CCDC171: variants seen among roughly 807,000 people sequenced by gnomAD.
CCDC171 encodes the protein coiled-coil domain containing 171.
CCDC171 carries 177 observed loss-of-function variants against 168.2 expected under a neutral mutation model. That is an observed-to-expected ratio of 1.05 (90% CI 0.93 to 1.19). CCDC171 has a LOEUF of 1.19. Among genes scored for constraint, CCDC171 ranks in the 50% most tolerant of loss-of-function variants. CCDC171 has a pLI of 0.00. For synonymous variants in CCDC171, 687 were observed against 540.8 expected, an observed-to-expected ratio of 1.27 and a Z score of -3.75; for missense variants, 1,991 against 1,539.0, an observed-to-expected ratio of 1.29 and a Z score of -4.91.
At chr9:15,638,631 AT>A (rs905524107) in intron 7 of CCDC171, among the ~76,000 whole-genome samples, 12 of 151,950 alleles carry the variant, frequency 7.9e-5, no homozygotes, top group Non-Finnish European at 1.6e-4. Context: ...TTGAAAGGTG[AT>A]TTTTTTATGT....
chr9:15,754,879 C>T (rs1028770421), intron 18 of CCDC171, among the ~76,000 whole-genome samples: 1 of 151,908 alleles, frequency 6.6e-6, no homozygotes, highest in African/African-American at 2.4e-5. Context: ...ATTGCATTAA[C>T]AGAATAATAA....
intron 23 of CCDC171, among the ~76,000 whole-genome samples, chr9:15,866,944 A>T (rs1242678781): frequency 6.6e-6 from 1 of 152,042 alleles, no homozygotes; most frequent in Non-Finnish European, 1.5e-5. Flanking sequence ...ATATAACATA[A>T]GCCATCTCTA....
chr9:15,555,208 T>G (rs1409935813), intron 1 of CCDC171, among the ~76,000 whole-genome samples: 2 of 152,190 alleles, frequency 1.3e-5, no homozygotes, highest in African/African-American at 4.8e-5. Context: ...CATTGATGAA[T>G]GATACACATA....
chr9:15,932,380 G>A (rs1257102364), intron 25 of CCDC171, among the ~76,000 whole-genome samples: 2 of 151,608 alleles, frequency 1.3e-5, no homozygotes, highest in Non-Finnish European at 2.9e-5. Context: ...TATTGTAAAC[G>A]GAATTGTTTT....
intron 7 of CCDC171, among the ~76,000 whole-genome samples, chr9:15,651,664 G>T (rs1435810956): frequency 6.6e-6 from 1 of 151,986 alleles, no homozygotes; most frequent in Non-Finnish European, 1.5e-5. Flanking sequence ...CATTCATATT[G>T]CTGCAAATGA....
downstream of CCDC171, among the ~76,000 whole-genome samples, chr9:16,064,122 A>C (rs1365051509): frequency 6.6e-6 from 1 of 152,132 alleles, no homozygotes; most frequent in African/African-American, 2.4e-5. Flanking sequence ...GCCACCTCCA[A>C]CCTAAATGTA....
chr9:15,736,650 C>G (rs1236851884), intron 16 of CCDC171, among the ~76,000 whole-genome samples: 1 of 138,818 alleles, frequency 7.2e-6, no homozygotes, highest in African/African-American at 2.7e-5. Context: ...CGGTGCCCGG[C>G]TCACATTTCT....
At chr9:15,691,209 TA>T (rs2050750261) in intron 10 of CCDC171, among the ~76,000 whole-genome samples, 1 of 151,796 alleles carries the variant, frequency 6.6e-6, no homozygotes, top group African/African-American at 2.4e-5. Flanking sequence ...ATATTAACAG[TA>T]GGGGGGACTG....
At chr9:15,566,612 G>T (rs1375053223) in intron 2 of CCDC171, among the ~76,000 whole-genome samples, 1 of 152,134 alleles carries the variant, frequency 6.6e-6, no homozygotes, top group East Asian at 1.9e-4. Context: ...TTTTTCTCCT[G>T]TTTAGTGGCT....
chr9:15,637,444 C>T (rs532674814), intron 7 of CCDC171, among the ~76,000 whole-genome samples: 2 of 151,442 alleles, frequency 1.3e-5, no homozygotes, highest in East Asian at 3.9e-4. Flanking sequence ...TTTATTTTTA[C>T]TTTTTAAAAT....
chr9:15,721,880 C>T lies in CCDC171; in HGVS notation c.1425+5C>T. On this transcript the variant is annotated splice_donor_5th_base_variant and intron_variant, in intron 12 of 25. Transcript: ENST00000380701. ...CTGGAAGATGCATCTAATGAGGTAA[C>T]ACTTGCACTGTTTGGCTCCACACAT... The T allele has an allele frequency of 6.8e-7, 1 of 1,476,606 alleles. No individual in the cohort carries two copies. The highest frequency in any genetic ancestry group is 9.1e-7 in the Non-Finnish European group (1 of 1,093,576). 91.5% of individuals were successfully genotyped at this position (1,476,606 alleles called of 1,614,324 possible).
At chr9:15,650,263 G>C (rs1015962144) in intron 7 of CCDC171, among the ~76,000 whole-genome samples, 2 of 152,110 alleles carry the variant, frequency 1.3e-5, no homozygotes, top group Admixed American at 6.6e-5. Flanking sequence ...GTGGAGGGAT[G>C]GGGGAGGGAT....
chr9:15,584,381 A>G (rs2041387223), intron 4 of CCDC171, among the ~76,000 whole-genome samples: 1 of 152,234 alleles, frequency 6.6e-6, no homozygotes, highest in Admixed American at 6.5e-5. Flanking sequence ...TTTAGATGAC[A>G]TGGGAGCCTC....
intron 18 of CCDC171, among the ~76,000 whole-genome samples, chr9:15,771,151 A>T (rs1356774452): frequency 6.6e-6 from 1 of 152,132 alleles, no homozygotes; most frequent in Non-Finnish European, 1.5e-5. Context: ...CATTTTAAGC[A>T]ATATTGTAAT....
At chr9:15,798,896 T>G (rs1032611836) in intron 21 of CCDC171, among the ~76,000 whole-genome samples, 7 of 151,898 alleles carry the variant, frequency 4.6e-5, no homozygotes, top group Non-Finnish European at 1.5e-5. Flanking sequence ...ATAATATACC[T>G]ATTTCACCTA....
intron 23 of CCDC171, among the ~76,000 whole-genome samples, chr9:15,861,857 T>C (rs554896803): frequency 3.4e-4 from 52 of 152,190 alleles, no homozygotes; most frequent in Non-Finnish European, 7.1e-4. Flanking sequence ...TATGGTATCA[T>C]GTTGCTGTAC....
intron 24 of CCDC171, among the ~76,000 whole-genome samples, chr9:15,880,005 T>C (rs1436273606): frequency 6.6e-6 from 1 of 152,142 alleles, no homozygotes; most frequent in African/African-American, 2.4e-5. Context: ...TAGAAGAAAG[T>C]TTTTTCCTCT....
Position 15,848,882 on chromosome 9 carries a change from AT to A in CCDC171, c.3414-5del. On this transcript the variant is annotated splice_polypyrimidine_tract_variant and intron_variant, in intron 22 of 25. Transcript: ENST00000380701. Reference sequence around the variant, plus strand: ...GAGTTTTACTAACACTTAATCTTTTATTTTTTCTAGAGACAAAGAATGTGTT... The same window carrying A: ...GAGTTTTACTAACACTTAATCTTTTATTTTTCTAGAGACAAAGAATGTGTT... 6.6e-7 allele frequency: 1 copy of A among 1,523,436 alleles called. No individual in the cohort carries two copies. Among genetic ancestry groups the A allele is most frequent in the Non-Finnish European group, 9.0e-7 (1 of 1,114,788 alleles). 94.4% of individuals were successfully genotyped at this position (1,523,436 alleles called of 1,614,324 possible).
chr9:16,064,526 G>T (rs916491354), downstream of CCDC171, among the ~76,000 whole-genome samples: 19 of 152,174 alleles, frequency 1.2e-4, no homozygotes, highest in Admixed American at 6.5e-5. Flanking sequence ...GGTCCCATCT[G>T]CCAGGGACAC....
Sources: gnomAD v4.1 joint callset for allele counts (sites outside exome capture counted in the v4.1 genomes callset) on GRCh38, gnomAD v4.1.1 for gene constraint, MANE v1.5 for transcripts, NCBI Gene and HGNC (gene_info 2026-07-23, HGNC 2026-07-21) for gene names.